JAK2: variants seen among roughly 807,000 people sequenced by gnomAD.
JAK2 encodes tyrosine-protein kinase JAK2.
JAK2 carries 86 observed loss-of-function variants against 139.3 expected under a neutral mutation model. The ratio of observed to expected loss-of-function variants is 0.62; its 90% CI spans 0.52 to 0.74. JAK2 has a LOEUF of 0.74. JAK2 is among the 30% of genes least tolerant of loss of function. JAK2 has a pLI of 0.00. For missense variants in JAK2, 1,421 were observed against 1,360.3 expected, an observed-to-expected ratio of 1.04 and a Z score of -0.70; for synonymous variants, 490 against 437.7, an observed-to-expected ratio of 1.12 and a Z score of -1.49.
chr9:4,998,520 G>A (rs544314036), intron 2 of JAK2, among the ~76,000 whole-genome samples: 127 of 152,258 alleles, frequency 8.3e-4, no homozygotes, highest in Admixed American at 4.2e-3. Context: ...CTCCCAAAGT[G>A]CTGGGATTAC....
chr9:5,112,392 C>T (rs1339309860), intron 22 of JAK2: 2 of 433,780 alleles, frequency 4.6e-6, no homozygotes, highest in South Asian at 2.7e-5. Flanking sequence ...GGAAATCAAG[C>T]GGGAGGAGGA....
In JAK2 at chr9:5,054,403, A is replaced by G. The variant is rs898998950; in HGVS notation, c.615-160A>G. ...ATCAAACAAAATCTTAAAGTTTTAT[A>G]CTGTATGGATGGGGGTTATGTCAAC... On this transcript the variant is annotated intron_variant, in intron 6 of 24. Transcript: ENST00000381652. This position sits in a 1 kb window ranked among gnomAD's most constrained non-coding sequence, Gnocchi z 4.9. 2.6e-5 allele frequency among the ~76,000 whole-genome samples: 4 copies of G among 152,034 alleles called. No individual in the cohort carries two copies. The highest frequency in any genetic ancestry group is 5.9e-5 in the Non-Finnish European group (4 of 67,918).
At chr9:5,040,582 T>C (rs565264270) in intron 4 of JAK2, among the ~76,000 whole-genome samples, 331 of 152,362 alleles carry the variant, frequency 2.2e-3, no homozygotes, top group Non-Finnish European at 4.0e-3. Context: ...AATTGTCTTA[T>C]CTCCAGAATA....
At chr9:5,025,619 C>A (rs115914813) in intron 3 of JAK2, among the ~76,000 whole-genome samples, 1 of 151,446 alleles carries the variant, frequency 6.6e-6, no homozygotes, top group Non-Finnish European at 1.5e-5. Context: ...CTGCCACCTC[C>A]GCCTTCCAAG....
chr9:5,115,805 G>A (rs572373060), intron 22 of JAK2, among the ~76,000 whole-genome samples: 1 of 152,108 alleles, frequency 6.6e-6, no homozygotes, highest in Non-Finnish European at 1.5e-5. Flanking sequence ...GCAAACACAG[G>A]AACAGAAAAC....
rs1196511936 is a variant in JAK2, at chr9:5,065,005, T to G, written c.1179T>G (p.Leu393=). ...LCKEVAPPAV[L]ENIQSNCHGP... ...AAGAAGTAGCACCTCCAGCCGTGCTTGAAAATATACAAAGCAACTGTCATG... is the reference window on the plus strand; with the variant it reads ...AAGAAGTAGCACCTCCAGCCGTGCTGGAAAATATACAAAGCAACTGTCATG... The change falls in exon 9 of 25, where the codon CTT becomes CTG. Residue 393 remains leucine (L), a synonymous_variant. Transcript: ENST00000381652. 6.2e-7 allele frequency: 1 copy of G among 1,606,060 alleles called. No homozygotes were observed. The highest frequency in any genetic ancestry group is 2.2e-5 in the East Asian group (1 of 44,526).
chr9:5,043,007 C>A (rs12551254), intron 4 of JAK2, among the ~76,000 whole-genome samples: 1 of 151,988 alleles, frequency 6.6e-6, no homozygotes, highest in African/African-American at 2.4e-5. Flanking sequence ...CGGCTGGCGT[C>A]GCGCGGCTCG....
At position 5,041,756 on chromosome 9, in the gene JAK2, C is replaced by G. The variant is rs138550192; in HGVS notation, c.351-2647C>G. 1,743 of 489,990 alleles carry G rather than the reference C, an allele frequency of 3.6e-3. 23 individuals are homozygous for G. The highest frequency in any genetic ancestry group is 0.029 in the African/African-American group (1,506 of 51,076). The allele number at this position is 489,990 out of a possible 1,614,324, so 30.4% of individuals were successfully genotyped here. Reference sequence around the variant, plus strand: ...CCTTGGCGACCCCCATCAGCAGTGTCCACACCGACCTGCCCTCCCAGCCTC... The same window carrying G: ...CCTTGGCGACCCCCATCAGCAGTGTGCACACCGACCTGCCCTCCCAGCCTC... On this transcript the variant is annotated intron_variant, in intron 4 of 24. Coordinates refer to ENST00000381652, the MANE Select transcript of JAK2 (RefSeq NM_004972.4).
At chr9:5,026,462 T>C (rs1383279661) in intron 3 of JAK2, among the ~76,000 whole-genome samples, 1 of 152,250 alleles carries the variant, frequency 6.6e-6, no homozygotes, top group African/African-American at 2.4e-5. Context: ...AAATTAAGAA[T>C]TTAAGTCTTT....
intron 8 of JAK2, among the ~76,000 whole-genome samples, chr9:5,064,322 G>C (rs1818410651): frequency 6.6e-6 from 1 of 152,120 alleles, no homozygotes; most frequent in African/African-American, 2.4e-5. Context: ...TTGAGGTCAG[G>C]AGTTGGAGAC....
intron 19 of JAK2, chr9:5,085,610 A>T: frequency 1.4e-6 from 1 of 700,004 alleles, no homozygotes; most frequent in Admixed American, 2.0e-5. Flanking sequence ...GAAAGAATTA[A>T]ATCTCCAGCA....
intron 22 of JAK2, among the ~76,000 whole-genome samples, chr9:5,095,904 C>A (rs1180087739): frequency 2.6e-5 from 4 of 152,150 alleles, no homozygotes; most frequent in African/African-American, 7.2e-5. Flanking sequence ...GCACTACAAC[C>A]CTGTCACTGT....
intron 18 of JAK2, among the ~76,000 whole-genome samples, chr9:5,081,244 G>T (rs1819680603): frequency 1.4e-5 from 2 of 139,530 alleles, no homozygotes; most frequent in East Asian, 4.0e-4. Flanking sequence ...CATTTAGTGA[G>T]TTGTAAATTA....
At chr9:5,102,895 C>T (rs1279225637) in intron 22 of JAK2, among the ~76,000 whole-genome samples, 1 of 152,010 alleles carries the variant, frequency 6.6e-6, no homozygotes, top group Non-Finnish European at 1.5e-5. Context: ...CTGAAGGAAG[C>T]ACTAAACATG....
intron 6 of JAK2, among the ~76,000 whole-genome samples, chr9:5,053,241 T>G (rs1409387888): frequency 6.6e-6 from 1 of 152,114 alleles, no homozygotes; most frequent in African/African-American, 2.4e-5. Context: ...TTTGGCATCT[T>G]TTCATGTACT....
chr9:5,072,141 A>C (rs1818992176), intron 12 of JAK2, among the ~76,000 whole-genome samples: 1 of 152,220 alleles, frequency 6.6e-6, no homozygotes, highest in African/African-American at 2.4e-5. Flanking sequence ...TGCAGACCAC[A>C]TTCTCTAGTG....
chr9:5,047,153 TATG>T (rs1353576716), intron 5 of JAK2, among the ~76,000 whole-genome samples: 6 of 152,074 alleles, frequency 3.9e-5, no homozygotes, highest in African/African-American at 1.2e-4. Flanking sequence ...GCCCAGAAAA[TATG>T]ATAGTATTTA....
chr9:5,111,933 CACTCAAGCAATA>C (rs1822602951), intron 22 of JAK2: 3 of 349,312 alleles, frequency 8.6e-6, no homozygotes, highest in Non-Finnish European at 1.7e-5. Flanking sequence ...CTCTCCGGAT[CACTCAAGCAATA>C]ACTTGTGGTC....
intron 22 of JAK2, chr9:5,111,700 G>A (rs940175707): frequency 9.0e-5 from 39 of 431,412 alleles, no homozygotes; most frequent in South Asian, 4.6e-4. Context: ...GCAGCAGCAC[G>A]TTTGGCGGCC....
Sources: gnomAD v4.1 joint callset for allele counts (sites outside exome capture counted in the v4.1 genomes callset) on GRCh38, gnomAD v4.1.1 for gene constraint, Gnocchi (gnomAD v3.1) non-coding constraint, MANE v1.5 for transcripts, NCBI Gene and HGNC (gene_info 2026-07-23, HGNC 2026-07-21) for gene names.